NEB: variants seen among roughly 807,000 people sequenced by gnomAD.
The protein encoded by NEB is nemaline myopathy type 2.
NEB carries 512 observed loss-of-function variants against 952.2 expected under a neutral mutation model. The observed-to-expected ratio is 0.54, with a 90% CI of 0.50 to 0.58. The LOEUF (loss-of-function observed/expected upper bound fraction) is 0.58, where lower values mean the gene tolerates loss of function less well. Ranked by LOEUF, NEB falls within the 20% of genes least tolerant of loss-of-function variation. NEB has a pLI of 0.00. For synonymous variants in NEB, 2,900 were observed against 3,149.8 expected (o/e 0.92, Z 2.66); for missense variants, 8,428 against 9,231.1 (o/e 0.91, Z 3.56).
intron 64 of NEB, 89 bp downstream of exon 64, chr2:151,636,138 G>A: frequency 9.1e-7 from 1 of 1,095,520 alleles, no homozygotes; most frequent in South Asian, 1.5e-5. Flanking sequence ...TATTTTCAAA[G>A]GTCCAGGAAA....
At chr2:151,722,892 GA>G (rs2099778974) in intron 9 of NEB, among the ~76,000 whole-genome samples, 2 of 152,122 alleles carry the variant, frequency 1.3e-5, no homozygotes, top group Admixed American at 1.3e-4. Context: ...CCCACACACA[GA>G]AAAAGGGAGA....
At chr2:151,678,208 C>A in intron 32 of NEB, 21 bp from the exon 33 acceptor site, 1 of 1,498,058 alleles carries the variant, frequency 6.7e-7, no homozygotes, top group Non-Finnish European at 9.0e-7. Flanking sequence ...CAAAGGTGGG[C>A]ATAATTTAAA....
rs1553908653 is a variant in NEB at position 151,618,396 on chromosome 2, C to T, written c.10955G>A (p.Arg3652Lys). ...AGTATCACTAAGTAATTCTCCAGCT[C>T]TCTTGGCCCTAACAACTTCCAAGGA... ...IDSLEVVRAK[R>K]AGELLSDTIY... is the part of the protein sequence containing the mutation. The change falls in exon 74 of 182, where the codon AGA becomes AAA. Residue 3652 changes from arginine to lysine, a missense_variant. Arg to Lys is a conservative substitution (Grantham distance 26). Coordinates refer to ENST00000397345, the MANE Select transcript of NEB (RefSeq NM_001164508.2). 6.2e-7 allele frequency: 1 copy of T among 1,613,960 alleles called. No individual in the cohort carries two copies. Among genetic ancestry groups the T allele is most frequent in the Middle Eastern group, 1.6e-4 (1 of 6,062 alleles).
chr2:151,502,827 T>C lies in NEB; in HGVS notation c.23894A>G (p.Glu7965Gly). The stretch of plus-strand genomic sequence containing the variant: ...GTTCTCTTGATTGCGTTTGACTCTC[T>C]CCATCTCTGGAGTGATAGGTGTTGG... ...GIPTPITPEM[E>G]RVKRNQENFS... is the part of the protein sequence containing the mutation. The change falls in exon 167 of 182, where the codon GAG becomes GGG. Residue 7965 changes from glutamate to glycine, a missense_variant. Glu to Gly is a moderately conservative substitution (Grantham distance 98, BLOSUM62 -2). This residue lies in a region of NEB where 3,374 missense variants were observed against 3,651.5 expected (regional missense o/e 0.92). Coordinates refer to ENST00000397345, the MANE Select transcript of NEB (RefSeq NM_001164508.2). 1 of 1,609,144 alleles carries C rather than the reference T, an allele frequency of 6.2e-7. No homozygotes were observed.
rs1171640195 is a variant in NEB at position 151,583,567 on chromosome 2, C to T, written c.15863G>A (p.Cys5288Tyr). ...ATCAATGTCGCTAACCAGGACCTGGCATTTCTTGGCTTGAACAATTGACAT... is the reference window on the plus strand; with the variant it reads ...ATCAATGTCGCTAACCAGGACCTGGTATTTCTTGGCTTGAACAATTGACAT... ...DMMSIVQAKKCQVLVSDIDYR... is the reference protein window; with the variant it reads ...DMMSIVQAKKYQVLVSDIDYR... Residue 5288 changes from cysteine (C) to tyrosine (Y), a missense_variant, in exon 101 of 182, where the codon TGC (cysteine) becomes TAC (tyrosine). Transcript: ENST00000397345. 4 of 390,528 alleles carry T rather than the reference C, an allele frequency of 1.0e-5. No individual in the cohort carries two copies. Among genetic ancestry groups the T allele is most frequent in the Non-Finnish European group, 1.7e-5 (4 of 230,204 alleles). 24.2% of individuals were successfully genotyped at this position (390,528 alleles called of 1,614,324 possible).
rs753394142 is a variant in NEB, at chr2:151,687,748, T to C, written c.2416-15A>G. 2 of 1,561,856 alleles carry C rather than the reference T, an allele frequency of 1.3e-6. No homozygotes were observed. Among genetic ancestry groups the C allele is most frequent in the East Asian group, 4.7e-5 (2 of 42,292 alleles). On this transcript the variant is annotated splice_polypyrimidine_tract_variant and intron_variant, in intron 25 of 181. Transcript: ENST00000397345. ...TTATAAACATTCTGGACAAGAAAAA[T>C]TCAGCAAAGGAATGATAAGAACAAC...
At chr2:151,563,008 CATCT>C in intron 119 of NEB, among the ~76,000 whole-genome samples, 200 bp from the exon 120 acceptor site, 1 of 134,454 alleles carries the variant, frequency 7.4e-6, no homozygotes, top group Non-Finnish European at 1.5e-5. Context: ...TGAAATTTCC[CATCT>C]TTTTTTTTTT....
chr2:151,567,436 AC>A lies in NEB; in HGVS notation c.17887del (p.Val5963LeufsTer6). 1 of 1,613,480 alleles carries A rather than the reference AC, an allele frequency of 6.2e-7. No homozygotes were observed. The highest frequency in any genetic ancestry group is 8.5e-7 in the Non-Finnish European group (1 of 1,179,646). ...AEHVKQKGHY[V>X]GVPTMRDDPK... ...ATCATCTCTCATCGTCGGGACACCA[AC>A]ATAATGACCTTTTTGCTTCACATGT... On this transcript the variant is annotated frameshift_variant, in exon 114 of 182. Coordinates refer to ENST00000397345, the MANE Select transcript of NEB (RefSeq NM_001164508.2). LOFTEE classifies it high-confidence loss of function.
chr2:151,610,813 TG>T lies in NEB; in HGVS notation c.11858del (p.Pro3953GlnfsTer30). The T allele has an allele frequency of 6.2e-7, 1 of 1,606,340 alleles. No homozygotes were observed. Among genetic ancestry groups the T allele is most frequent in the Non-Finnish European group, 8.5e-7 (1 of 1,176,038 alleles). On this transcript the variant is annotated frameshift_variant, in exon 79 of 182. Transcript: ENST00000397345. LOFTEE classifies it high-confidence loss of function. ...TGGCCAGCAGGATATCTGGGGTGTC[TG>T]GCATCACGTGGATGGAGGTTTTGTC... ...DADKTSIHVM[P>X]DTPDILLAKS...
In NEB at chr2:151,493,775, C is replaced by G; in HGVS notation, c.24672G>C (p.Ser8224=). ...GATTTATTTTTCCTTTCTAAAATACCGAGCTAAAGTTTTCTTGATTGCGTT... is the reference window on the plus strand; with the variant it reads ...GATTTATTTTTCCTTTCTAAAATACGGAGCTAAAGTTTTCTTGATTGCGTT... The part of the protein sequence containing the change: ...RVKRNQENFS[S]VLYKENMRKA... Residue 8224 remains serine, a splice_region_variant and synonymous_variant, in exon 175 of 182, where the codon TCG becomes TCC. Coordinates refer to ENST00000397345, the MANE Select transcript of NEB (RefSeq NM_001164508.2). The G allele has an allele frequency of 1.3e-6, 2 of 1,559,086 alleles. No homozygotes were observed. Among genetic ancestry groups the G allele is most frequent in the African/African-American group, 1.4e-5 (1 of 73,980 alleles).
intron 49 of NEB, 26 bp from the exon 50 acceptor site, chr2:151,656,049 C>G (rs892225999): frequency 6.2e-7 from 1 of 1,605,578 alleles, no homozygotes; most frequent in Non-Finnish European, 8.5e-7. Context: ...GCAAATTCTA[C>G]TTTATCTTAT....
At chr2:151,560,267 GTC>G (rs1160709798) in intron 124 of NEB, among the ~76,000 whole-genome samples, 1 of 152,082 alleles carries the variant, frequency 6.6e-6, no homozygotes, top group African/African-American at 2.4e-5. Context: ...TATTGAAAAA[GTC>G]TATTTCTGTA....
At chr2:151,510,023 A>T (rs1278687172) in intron 161 of NEB, among the ~76,000 whole-genome samples, 3 of 152,234 alleles carry the variant, frequency 2.0e-5, no homozygotes, top group Admixed American at 6.5e-5. Context: ...GTCTTTGTGT[A>T]AGTGTTCATT....
chr2:151,675,254 C>T lies in NEB; in HGVS notation c.3879+33G>A, dbSNP rs928122911. 7.7e-6 allele frequency: 11 copies of T among 1,432,250 alleles called. No individual in the cohort carries two copies. The African/African-American group carries it at 8.5e-5, about 11-fold the overall frequency. The allele number at this position is 1,432,250 out of a possible 1,614,324, so 88.7% of individuals were successfully genotyped here. Reference sequence around the variant, plus strand: ...AAGTCTATAATTTTATTGTCAGGTCCGAATTTCACATCCCAGCAAAGACCC... The same window carrying T: ...AAGTCTATAATTTTATTGTCAGGTCTGAATTTCACATCCCAGCAAAGACCC... On this transcript the variant is annotated intron_variant, in intron 35 of 181. Coordinates refer to ENST00000397345, the MANE Select transcript of NEB (RefSeq NM_001164508.2).
At position 151,630,780 on chromosome 2, in the gene NEB, T is replaced by C; in HGVS notation, c.9658A>G (p.Ile3220Val). 6.2e-7 allele frequency: 1 copy of C among 1,611,906 alleles called. No individual in the cohort carries two copies. The highest frequency in any genetic ancestry group is 8.5e-7 in the Non-Finnish European group (1 of 1,178,880). ...TEAWDKDKTQ[I>V]HIMPDTPEIM... Reference sequence around the variant, plus strand: ...TCTGGTGTATCAGGCATTATGTGAATTTGAGTCTTGTCTTTGTCCCAGGCC... The same window carrying C: ...TCTGGTGTATCAGGCATTATGTGAACTTGAGTCTTGTCTTTGTCCCAGGCC... The change falls in exon 67 of 182, where the codon ATT becomes GTT. Residue 3220 changes from isoleucine to valine, a missense_variant. By Grantham distance (29) the Ile-to-Val change is conservative (BLOSUM62 3). Transcript: ENST00000397345.
chr2:151,705,518 A>T (rs1402476536), intron 13 of NEB, among the ~76,000 whole-genome samples: 1 of 152,190 alleles, frequency 6.6e-6, no homozygotes, highest in Admixed American at 6.5e-5. Flanking sequence ...CAGTATGGAG[A>T]TTCCTTAAAG....
Position 151,619,512 on chromosome 2 carries a change from A to G in NEB, c.10811T>C (p.Ile3604Thr), listed in dbSNP as rs2098331868. The G allele has an allele frequency of 6.2e-7, 1 of 1,613,784 alleles. No individual in the cohort carries two copies. Among genetic ancestry groups the G allele is most frequent in the Non-Finnish European group, 8.5e-7 (1 of 1,179,710 alleles). ...GATGTCATTCTGGTCGGGCAGGCAG[A>G]TCCATTCATGCAGAGGATGTTTATA... ...VDYKHPLHEWICLPDQNDIIH... is the reference protein window; with the variant it reads ...VDYKHPLHEWTCLPDQNDIIH... The change falls in exon 73 of 182, where the codon ATC becomes ACC. Residue 3604 changes from isoleucine to threonine, a missense_variant. Coordinates refer to ENST00000397345, the MANE Select transcript of NEB (RefSeq NM_001164508.2).
intron 112 of NEB, 52 bp from the exon 113 acceptor site, chr2:151,568,230 GGTAA>G: frequency 6.3e-7 from 1 of 1,588,554 alleles, no homozygotes. Context: ...AGAAGGGAGG[GGTAA>G]GTTGTGTGCA....
In NEB at chr2:151,729,621, C is replaced by T; in HGVS notation, c.72G>A (p.Pro24=). The T allele has an allele frequency of 6.2e-6, 10 of 1,613,246 alleles. No individual in the cohort carries two copies. The highest frequency in any genetic ancestry group is 1.7e-4 in the Middle Eastern group (1 of 6,058). ...YTEEVVYEEV[P]GETITKIYET... is the part of the protein sequence containing the mutation. ...GCTGTGGGCTGGGCCTTACCTCTCC[C>T]GGCACCTCTTCGTAAACCACTTCTT... is the stretch of plus-strand genomic sequence containing the variant. The change falls in exon 4 of 182, where the codon CCG becomes CCA. Residue 24 remains proline (P), a synonymous_variant. Coordinates refer to ENST00000397345, the MANE Select transcript of NEB (RefSeq NM_001164508.2).
Sources: allele counts gnomAD v4.1 joint callset (sites outside exome capture counted in the v4.1 genomes callset), GRCh38; gene constraint gnomAD v4.1.1; regional missense constraint gnomAD v4.1.1; transcripts MANE v1.5; gene names NCBI Gene and HGNC (gene_info 2026-07-23, HGNC 2026-07-21).